Variants in THSD4 observed in about 807,000 individuals in gnomAD.
THSD4 encodes the protein thrombospondin type 1 domain containing 4.
A neutral mutation model predicts 119.0 loss-of-function variants in THSD4; 69 were observed. The ratio of observed to expected loss-of-function variants is 0.58; its 90% CI spans 0.48 to 0.71. The LOEUF (loss-of-function observed/expected upper bound fraction) is 0.71, where lower values mean the gene tolerates loss of function less well. Ranked by LOEUF, THSD4 falls within the 30% of genes least tolerant of loss-of-function variation. The probability of loss-of-function intolerance (pLI) is 0.00; values close to 1 mark genes in which losing one functional copy is unlikely to be tolerated. For synonymous variants in THSD4, 524 were observed against 540.4 expected (o/e 0.97, Z 0.42); for missense variants, 1,393 against 1,391.1 (o/e 1.00, Z -0.02).
chr15:71,413,212 C>A (rs2046713825), intron 7 of THSD4, among the ~76,000 whole-genome samples: 1 of 152,188 alleles, frequency 6.6e-6, no homozygotes, highest in African/African-American at 2.4e-5. Context: ...GGGGTTTCAC[C>A]ATGTTGGCCA....
chr15:71,521,118 G>A (rs2048434255), intron 7 of THSD4, among the ~76,000 whole-genome samples: 1 of 152,132 alleles, frequency 6.6e-6, no homozygotes, highest in Non-Finnish European at 1.5e-5. Flanking sequence ...TGTAAATAGA[G>A]AAAAGGAAAT....
In THSD4 at chr15:71,199,637, G is replaced by GTA. The variant is rs1567154694; in HGVS notation, c.100-15397_100-15396insAT. Among the ~76,000 whole-genome samples the GTA allele has an allele frequency of 2.7e-3, 167 of 61,320 alleles. 3 individuals carry two copies. The highest frequency in any genetic ancestry group is 0.013 in the African/African-American group (165 of 12,600). The allele number at this position is 61,320 out of a possible 152,430, so 40.2% of individuals were successfully genotyped here. ...GGTGTGTGGGTGTGTGGTGTGTGTGGTGTGTGTGTGGTGTGTGTGTGTGAT... is the reference window on the plus strand; with the variant it reads ...GGTGTGTGGGTGTGTGGTGTGTGTGGTATGTGTGTGTGGTGTGTGTGTGTGAT... On this transcript the variant is annotated intron_variant, in intron 3 of 17. Coordinates refer to ENST00000261862, the MANE Select transcript of THSD4 (RefSeq NM_024817.3).
chr15:71,205,810 A>C (rs2043839111), intron 3 of THSD4, among the ~76,000 whole-genome samples: 1 of 151,194 alleles, frequency 6.6e-6, no homozygotes. Flanking sequence ...TCTGTCTCAG[A>C]TGATTTATCA....
chr15:71,676,589 T>C (rs1250366538), intron 8 of THSD4, among the ~76,000 whole-genome samples: 1 of 152,116 alleles, frequency 6.6e-6, no homozygotes, highest in Admixed American at 6.6e-5. Context: ...CTCAGAATAT[T>C]TTCTTATCCC....
chr15:71,639,867 C>A (rs1436605902), intron 7 of THSD4, among the ~76,000 whole-genome samples: 1 of 151,448 alleles, frequency 6.6e-6, no homozygotes, highest in African/African-American at 2.4e-5. Context: ...AAAAGAAAAG[C>A]CAAGCCAGAA....
intron 7 of THSD4, among the ~76,000 whole-genome samples, chr15:71,598,084 A>C (rs1595770914): frequency 6.6e-6 from 1 of 152,104 alleles, no homozygotes; most frequent in Non-Finnish European, 1.5e-5. Context: ...TAAGCTGAGC[A>C]AAGAGGACCG....
intron 7 of THSD4, among the ~76,000 whole-genome samples, chr15:71,564,041 T>G (rs1017292152): frequency 2.0e-5 from 3 of 152,176 alleles, no homozygotes; most frequent in Non-Finnish European, 2.9e-5. Flanking sequence ...AACTAAATAG[T>G]TTTTTGCAGC....
chr15:71,267,020 C>T (rs139010720), intron 6 of THSD4, among the ~76,000 whole-genome samples: 5,210 of 152,212 alleles, frequency 0.034, 230 homozygotes, highest in Admixed American at 0.14. Flanking sequence ...AAGAATGGAA[C>T]CAAGTTGGAA....
chr15:71,404,238 C>T (rs943758466), intron 6 of THSD4, among the ~76,000 whole-genome samples: 1 of 152,160 alleles, frequency 6.6e-6, no homozygotes, highest in Non-Finnish European at 1.5e-5. Flanking sequence ...TTAGCAGTCA[C>T]TCCACATTAT....
chr15:71,642,446 C>T (rs2050876446), intron 7 of THSD4, among the ~76,000 whole-genome samples: 1 of 152,032 alleles, frequency 6.6e-6, no homozygotes, highest in Admixed American at 6.6e-5. Context: ...CATCCCATTA[C>T]TGGGTATATA....
At chr15:71,448,228 A>G (rs999958419) in intron 7 of THSD4, among the ~76,000 whole-genome samples, 2 of 152,234 alleles carry the variant, frequency 1.3e-5, no homozygotes, top group Non-Finnish European at 2.9e-5. Flanking sequence ...AATGACTTGT[A>G]TCATATTGTC....
intron 8 of THSD4, among the ~76,000 whole-genome samples, chr15:71,694,115 C>T (rs1313439286): frequency 6.6e-6 from 1 of 152,122 alleles, no homozygotes; most frequent in African/African-American, 2.4e-5. Flanking sequence ...AAGGTGGACC[C>T]TTTGGTGGAA....
intron 6 of THSD4, among the ~76,000 whole-genome samples, chr15:71,291,463 T>A (rs931782693): frequency 6.6e-6 from 1 of 152,114 alleles, no homozygotes; most frequent in Admixed American, 6.5e-5. Context: ...ACCCAGCCAA[T>A]AATTCAGTTC....
intron 7 of THSD4, among the ~76,000 whole-genome samples, chr15:71,534,298 T>C (rs910660975): frequency 1.6e-4 from 25 of 152,246 alleles, no homozygotes; most frequent in African/African-American, 6.0e-4. Flanking sequence ...CTCAACCCTG[T>C]GTCAGACTAC....
chr15:71,263,828 G>C (rs572684425), intron 6 of THSD4, among the ~76,000 whole-genome samples: 21 of 152,362 alleles, frequency 1.4e-4, no homozygotes, highest in African/African-American at 5.1e-4. Flanking sequence ...CAAAGGAGGA[G>C]AAATGGAATA....
chr15:71,453,934 C>T (rs1256400086), intron 7 of THSD4, among the ~76,000 whole-genome samples: 3 of 152,082 alleles, frequency 2.0e-5, no homozygotes, highest in Admixed American at 2.0e-4. Context: ...GAAAGAATTG[C>T]ATGGAAAATA....
intron 8 of THSD4, among the ~76,000 whole-genome samples, chr15:71,697,917 CCTT>C (rs928561891): frequency 7.7e-5 from 11 of 143,696 alleles, no homozygotes; most frequent in Non-Finnish European, 1.4e-4. Context: ...TAGAAATAAT[CCTT>C]TTTTTTTTTA....
chr15:71,579,379 T>C (rs76313453), intron 7 of THSD4, among the ~76,000 whole-genome samples: 233 of 152,260 alleles, frequency 1.5e-3, no homozygotes, highest in Non-Finnish European at 2.5e-3. Flanking sequence ...CCTGTTCTCA[T>C]GATCATCTGC....
chr15:71,358,569 A>G (rs1010310315), intron 6 of THSD4, among the ~76,000 whole-genome samples: 1 of 152,224 alleles, frequency 6.6e-6, no homozygotes, highest in Non-Finnish European at 1.5e-5. Context: ...CCACTTATCA[A>G]CAGCATGGCC....
Sources: gnomAD v4.1 joint callset for allele counts (sites outside exome capture counted in the v4.1 genomes callset) on GRCh38, gnomAD v4.1.1 for gene constraint, MANE v1.5 for transcripts, NCBI Gene and HGNC (gene_info 2026-07-23, HGNC 2026-07-21) for gene names.